MYO1D: variants seen among roughly 807,000 people sequenced by gnomAD.
MYO1D encodes the protein unconventional myosin-Id.
MYO1D carries 83 observed loss-of-function variants against 122.0 expected under a neutral mutation model. That is an observed-to-expected ratio of 0.68 (90% CI 0.57 to 0.82). The LOEUF (loss-of-function observed/expected upper bound fraction) is 0.82. Among genes scored for constraint, MYO1D ranks in the 40% least tolerant of loss-of-function variants. The pLI is 0.00. For synonymous variants in MYO1D, 464 were observed against 446.9 expected (o/e 1.04, Z -0.48); for missense variants, 1,157 against 1,269.5 (o/e 0.91, Z 1.35).
At chr17:32,507,769 C>T (rs918834137) in intron 21 of MYO1D, among the ~76,000 whole-genome samples, 3 of 152,084 alleles carry the variant, frequency 2.0e-5, no homozygotes, top group Non-Finnish European at 2.9e-5. Context: ...GGGCCTTGAT[C>T]TGACAGAAAG....
chr17:32,568,437 A>C (rs189189799), intron 21 of MYO1D, among the ~76,000 whole-genome samples: 3 of 152,290 alleles, frequency 2.0e-5, no homozygotes, highest in Admixed American at 6.5e-5. Flanking sequence ...ATCCCTTTGC[A>C]AACTGTTTTT....
intron 1 of MYO1D, 132 bp downstream of exon 1, chr17:32,876,646 A>C (rs2091234462): frequency 1.5e-6 from 1 of 650,916 alleles, no homozygotes; most frequent in South Asian, 2.5e-5. Context: ...ACCCCCGGAC[A>C]CCGCAGCCCG....
intron 1 of MYO1D, 156 bp downstream of exon 1, chr17:32,876,622 G>C (rs930291606): frequency 1.9e-6 from 1 of 536,380 alleles, no homozygotes; most frequent in Non-Finnish European, 3.0e-6. Flanking sequence ...AAGCGCAGCC[G>C]CGGAGCTTGG....
intron 1 of MYO1D, among the ~76,000 whole-genome samples, chr17:32,782,814 A>G (rs1459396168): frequency 2.0e-5 from 3 of 152,124 alleles, no homozygotes; most frequent in Non-Finnish European, 4.4e-5. Context: ...GCACACTTAT[A>G]ATCCTAGCTA....
At chr17:32,510,739 G>A (rs536703651) in intron 21 of MYO1D, 29 of 152,200 alleles carry the variant, frequency 1.9e-4, no homozygotes, top group African/African-American at 2.9e-4. Context: ...CCCCTGCGTC[G>A]GTTCTCTCTT....
intron 10 of MYO1D, among the ~76,000 whole-genome samples, chr17:32,759,393 A>C (rs1324085534): frequency 6.6e-6 from 1 of 152,132 alleles, no homozygotes; most frequent in African/African-American, 2.4e-5. Context: ...AAGGAAGATA[A>C]AAGTCATTTA....
At chr17:32,818,113 G>A (rs1271809620) in intron 1 of MYO1D, among the ~76,000 whole-genome samples, 22 of 56,884 alleles carry the variant, frequency 3.9e-4, no homozygotes, top group Non-Finnish European at 6.4e-4. Context: ...GCGACAGAGC[G>A]AGACTCCGTC....
intron 17 of MYO1D, 154 bp downstream of exon 17, chr17:32,658,961 T>C (rs1178501439): frequency 3.9e-6 from 3 of 772,628 alleles, no homozygotes; most frequent in South Asian, 1.9e-5. Flanking sequence ...AGATGCTCTT[T>C]GAAAGCCAAA....
At chr17:32,822,635 GGGGGTGGCCGCGCGGGCCCCGGT>G (rs2090681762) in intron 1 of MYO1D, among the ~76,000 whole-genome samples, 1 of 149,056 alleles carries the variant, frequency 6.7e-6, no homozygotes, top group Non-Finnish European at 1.5e-5. Flanking sequence ...CCCCGTCCCG[GGGGGTGGCCGCGCGGGCCCCGGT>G]GGGGCGGCCA....
chr17:32,853,339 T>C (rs935612414), intron 1 of MYO1D, among the ~76,000 whole-genome samples: 5 of 152,194 alleles, frequency 3.3e-5, no homozygotes, highest in Non-Finnish European at 7.3e-5. Flanking sequence ...TCAAGTCATT[T>C]CCCTAATTAA....
intron 1 of MYO1D, among the ~76,000 whole-genome samples, chr17:32,812,605 C>A (rs2090581605): frequency 6.6e-6 from 1 of 152,242 alleles, no homozygotes; most frequent in East Asian, 1.9e-4. Context: ...AGTGAGGGAA[C>A]TGGAGAGACA....
At chr17:32,703,774 T>C (rs140858023) in intron 16 of MYO1D, among the ~76,000 whole-genome samples, 16 of 152,284 alleles carry the variant, frequency 1.1e-4, no homozygotes, top group Non-Finnish European at 1.6e-4. Flanking sequence ...ATTTGGTACA[T>C]TGTTTTCATT....
At chr17:32,577,801 C>T (rs987206780) in intron 21 of MYO1D, among the ~76,000 whole-genome samples, 14 of 151,694 alleles carry the variant, frequency 9.2e-5, no homozygotes, top group East Asian at 3.9e-4. Flanking sequence ...TGCAGTGGCA[C>T]GATCTCGGCT....
At chr17:32,501,630 AG>A (rs1232613550) in intron 21 of MYO1D, among the ~76,000 whole-genome samples, 1 of 152,208 alleles carries the variant, frequency 6.6e-6, no homozygotes, top group Non-Finnish European at 1.5e-5. Context: ...GGACACATGG[AG>A]GCTGACGGGA....
rs1270512031 is a variant in MYO1D at position 32,605,188 on chromosome 17, C to T, written c.2763G>A (p.Thr921=). The T allele has an allele frequency of 3.1e-6, 5 of 1,608,540 alleles. No homozygotes were observed. Among genetic ancestry groups the T allele is most frequent in the Admixed American group, 1.7e-5 (1 of 59,970 alleles). ...AGACAATGAGGTCTTTGTTGTCTTT[C>T]GTATGGAACACTACAAGTTGGTCCT... The part of the protein sequence containing the change: ...NGKDQLVVFH[T]KDNKDLIVCL... The change falls in exon 21 of 22, where the codon ACG becomes ACA. Residue 921 remains threonine, a synonymous_variant. Transcript: ENST00000318217.
chr17:32,559,631 G>A (rs190256612), intron 21 of MYO1D, among the ~76,000 whole-genome samples: 5 of 152,214 alleles, frequency 3.3e-5, no homozygotes, highest in Admixed American at 2.6e-4. Flanking sequence ...TTCTGGTTCC[G>A]GAGGCTGCCT....
intron 14 of MYO1D, among the ~76,000 whole-genome samples, chr17:32,733,952 G>A (rs1010187453): frequency 7.9e-5 from 12 of 152,246 alleles, no homozygotes; most frequent in Admixed American, 5.9e-4. Flanking sequence ...GTGTTTCTAA[G>A]TTAAATTGAT....
intron 20 of MYO1D, among the ~76,000 whole-genome samples, chr17:32,614,899 C>A (rs1441422479): frequency 2.0e-5 from 3 of 152,176 alleles, no homozygotes; most frequent in African/African-American, 7.2e-5. Flanking sequence ...CTCTGCCAGC[C>A]GGGGCCAGAC....
intron 20 of MYO1D, among the ~76,000 whole-genome samples, chr17:32,608,941 T>C (rs1182293303): frequency 6.6e-6 from 1 of 152,210 alleles, no homozygotes; most frequent in Non-Finnish European, 1.5e-5. Context: ...ATTTATATGA[T>C]ATTCTCTAGA....
Sources: gnomAD v4.1 joint callset for allele counts (sites outside exome capture counted in the v4.1 genomes callset) on GRCh38, gnomAD v4.1.1 for gene constraint, MANE v1.5 for transcripts, NCBI Gene and HGNC (gene_info 2026-07-23, HGNC 2026-07-21) for gene names.